Variants in KCNH2 observed in about 807,000 individuals in gnomAD.
The protein encoded by KCNH2 is potassium voltage-gated channel subfamily H member 2, also known as voltage-gated inwardly rectifying potassium channel KCNH2.
A neutral mutation model predicts 95.9 loss-of-function variants in KCNH2; 35 were observed. The ratio of observed to expected loss-of-function variants is 0.37; its 90% confidence interval spans 0.28 to 0.48. The LOEUF (loss-of-function observed/expected upper bound fraction) is 0.48. Among genes scored for constraint, KCNH2 ranks in the 20% least tolerant of loss-of-function variants. The pLI, the probability that KCNH2 is intolerant of heterozygous loss-of-function variation, is 0.99. For missense variants in KCNH2, 1,274 were observed against 1,702.9 expected (o/e 0.75, Z 4.43); for synonymous variants, 786 against 754.7 (o/e 1.04, Z -0.68).
intron 5 of KCNH2, chr7:150,955,745 G>T: frequency 7.9e-7 from 1 of 1,269,680 alleles, no homozygotes; most frequent in Non-Finnish European, 9.9e-7. Context: ...CCCGTGGCGT[G>T]GGCCCTGCTG....
chr7:150,970,264 CTCA>C (rs774775500), intron 2 of KCNH2, among the ~76,000 whole-genome samples: 1 of 149,512 alleles, frequency 6.7e-6, no homozygotes, highest in Non-Finnish European at 1.5e-5. Context: ...AGTCTCCCCC[CTCA>C]CACACCCCCA....
At chr7:150,947,126 G>C in intron 13 of KCNH2, 72 bp from the exon 14 acceptor site, 1 of 1,002,460 alleles carries the variant, frequency 1.0e-6, no homozygotes, top group Non-Finnish European at 1.5e-6. Context: ...AGTGGGGAAG[G>C]GGAAGGGGAG....
At position 150,977,896 on chromosome 7, in the gene KCNH2, GC is replaced by G; in HGVS notation, c.17del (p.Gly6AlafsTer54). On this transcript the variant is annotated frameshift_variant, in exon 1 of 15. Coordinates refer to ENST00000262186, the MANE Select transcript of KCNH2 (RefSeq NM_000238.4). LOFTEE classifies it high-confidence loss of function. Reference sequence around the variant, plus strand: ...GGAAGGTGTTCTGCGGCGCGACGTGGCCCCTCCGCACCGGCATCCTGAGCCC... The same window carrying G: ...GGAAGGTGTTCTGCGGCGCGACGTGGCCCTCCGCACCGGCATCCTGAGCCC... Reference protein sequence around the residue: MPVRRGHVAPQNTFLD... With the variant: MPVRRXHVAPQNTFLD... 1.2e-6 allele frequency: 2 copies of G among 1,605,260 alleles called. No individual in the cohort carries two copies. Among genetic ancestry groups the G allele is most frequent in the South Asian group, 1.1e-5 (1 of 90,466 alleles).
In KCNH2 at chr7:150,958,255, C is replaced by A. The variant is rs899939755; in HGVS notation, c.720G>T (p.Pro240=). 1 of 1,418,346 alleles carries A rather than the reference C, an allele frequency of 7.1e-7. No individual in the cohort carries two copies. Among genetic ancestry groups the A allele is most frequent in the Non-Finnish European group, 9.2e-7 (1 of 1,089,270 alleles). The allele number at this position is 1,418,346 out of a possible 1,614,324, so 87.9% of individuals were successfully genotyped here. A position where few individuals can be genotyped will look rare whatever the true frequency, so the allele number is the denominator to read the frequency against. The change falls in exon 4 of 15, where the codon CCG becomes CCT. Residue 240 remains proline (P), a synonymous_variant. Transcript: ENST00000262186. The part of the protein sequence containing the change: ...ERRALVGPGS[P]PRSAPGQLPS... ...GGAGCTGGCCGGGCGCGCTGCGGGG[C>A]GGAGAGCCGGGACCCACCAGCGCAC...
chr7:150,951,844 C>G lies in KCNH2; in HGVS notation c.1558-9G>C, dbSNP rs1170490077. On this transcript the variant is annotated splice_polypyrimidine_tract_variant and intron_variant, in intron 6 of 14. Transcript: ENST00000262186. ...TTCAGCAGCCCGATCAGCTGGGGGACAGGGAAGGGGCACATTCCGTTGATG... is the reference window on the plus strand; with the variant it reads ...TTCAGCAGCCCGATCAGCTGGGGGAGAGGGAAGGGGCACATTCCGTTGATG... 1 of 1,561,406 alleles carries G rather than the reference C, an allele frequency of 6.4e-7. No individual in the cohort carries two copies. Among genetic ancestry groups the G allele is most frequent in the Non-Finnish European group, 8.7e-7 (1 of 1,150,872 alleles).
chr7:150,945,477 C>G lies in KCNH2; in HGVS notation c.3368G>C (p.Gly1123Ala). ...GCCTTCTTGGGGAAGCTCTGGGGCC[C>G]CCGGGGGCAGCTCCTCACACGCCAT... is the stretch of plus-strand genomic sequence containing the variant. Reference protein sequence around the residue: ...QFMACEELPPGAPELPQEGPT... With the variant: ...QFMACEELPPAAPELPQEGPT... Residue 1123 changes from glycine to alanine, a missense_variant, in exon 15 of 15, where the codon GGG becomes GCG. Around this residue, in one of 7 missense-constraint regions of KCNH2, gnomAD observed 457 missense variants for 416.1 expected, o/e 1.10. Transcript: ENST00000262186. This position sits in a 1 kb window ranked among gnomAD's most constrained non-coding sequence, Gnocchi z 5.6. 6.4e-7 allele frequency: 1 copy of G among 1,556,520 alleles called. No homozygotes were observed. Among genetic ancestry groups the G allele is most frequent in the Non-Finnish European group, 8.7e-7 (1 of 1,150,792 alleles).
At position 150,945,182 on chromosome 7, in the gene KCNH2, C is replaced by A. The variant is rs1321453841; in HGVS notation, c.*183G>T. 26 of 677,430 alleles carry A rather than the reference C, an allele frequency of 3.8e-5. No individual in the cohort carries two copies. The highest frequency in any genetic ancestry group is 5.9e-5 in the Admixed American group (2 of 33,872). The allele number at this position is 677,430 out of a possible 1,614,324, so 42.0% of individuals were successfully genotyped here. ...CCACCTACTGCCGGCCCTGCCCCTG[C>A]CCCTCTCACTGGGGCCCAGGGGACT... On this transcript the variant is annotated 3_prime_UTR_variant, in exon 15 of 15. Coordinates refer to ENST00000262186, the MANE Select transcript of KCNH2 (RefSeq NM_000238.4). The surrounding 1 kb of genome is among the most constrained non-coding windows in gnomAD (Gnocchi z 5.6).
At chr7:150,968,801 G>A (rs1167427228) in intron 2 of KCNH2, among the ~76,000 whole-genome samples, 2 of 152,188 alleles carry the variant, frequency 1.3e-5, no homozygotes, top group Non-Finnish European at 2.9e-5. Flanking sequence ...GGGGCGGGGT[G>A]CACCATAGGA....
In KCNH2 at chr7:150,951,790, C is replaced by T. The variant is rs375872367; in HGVS notation, c.1603G>A (p.Val535Met). Residue 535 changes from valine (V) to methionine (M), a missense_variant, in exon 7 of 15, where the codon GTG (valine) becomes ATG (methionine). Around this residue, in one of 7 missense-constraint regions of KCNH2, gnomAD observed 147 missense variants for 344.4 expected, o/e 0.43. Coordinates refer to ENST00000262186, the MANE Select transcript of KCNH2 (RefSeq NM_000238.4). ...GAGTAGCGATCCAGCTTCCGCGCCA[C>T]GCGCACCAGCCGCAGCAGCCGCGCA... is the stretch of plus-strand genomic sequence containing the variant. The part of the protein sequence containing the change: ...KTARLLRLVR[V>M]ARKLDRYSEY... The T allele has an allele frequency of 6.3e-7, 1 of 1,593,258 alleles. No individual in the cohort carries two copies. The highest frequency in any genetic ancestry group is 8.6e-7 in the Non-Finnish European group (1 of 1,166,314).
At chr7:150,975,473 C>T (rs931713090) in intron 1 of KCNH2, among the ~76,000 whole-genome samples, 1 of 152,158 alleles carries the variant, frequency 6.6e-6, no homozygotes, top group East Asian at 1.9e-4. Context: ...AGGATCCTAC[C>T]AGGTCAGTAC....
At chr7:150,976,972 C>T (rs1379279708) in intron 1 of KCNH2, among the ~76,000 whole-genome samples, 2 of 152,264 alleles carry the variant, frequency 1.3e-5, no homozygotes, top group African/African-American at 4.8e-5. Context: ...CATCCTCTCC[C>T]AACTCCCAGG....
chr7:150,953,593 A>G (rs764630315), intron 5 of KCNH2, among the ~76,000 whole-genome samples: 11 of 152,104 alleles, frequency 7.2e-5, no homozygotes, highest in Non-Finnish European at 1.3e-4. Flanking sequence ...ACCAGCTCAC[A>G]CTCACACTCT....
chr7:150,954,689 T>C lies in KCNH2; in HGVS notation c.1129-1836A>G, dbSNP rs533084211. Among the ~76,000 whole-genome samples the C allele has an allele frequency of 9.2e-5, 14 of 152,326 alleles. No individual in the cohort carries two copies. The South Asian group carries it at 2.7e-3, about 29-fold the overall frequency. ...TATGAGCCAAGGCAGAATGTGCAGA[T>C]GTGGGGTGGTGGGGGCAGGGATGGG... On this transcript the variant is annotated intron_variant, in intron 5 of 14. Transcript: ENST00000262186.
Position 150,950,376 on chromosome 7 carries a change from C to T in KCNH2, c.2190G>A (p.Leu730=), listed in dbSNP as rs1401248493. The change falls in exon 9 of 15, where the codon CTG becomes CTA. Residue 730 remains leucine, a synonymous_variant. Transcript: ENST00000262186. ...GCTGCAGCAGTGAGCGGTTCAGGTG[C>T]AGGCAGATGTCAGCCTGCAGGCACT... ...FPECLQADIC[L]HLNRSLLQHC... The T allele has an allele frequency of 2.5e-6, 4 of 1,612,730 alleles. No homozygotes were observed. The African/African-American group carries it at 4.0e-5, about 16-fold the overall frequency.
chr7:150,957,814 G>C (rs553298174), intron 4 of KCNH2, among the ~76,000 whole-genome samples: 1 of 152,250 alleles, frequency 6.6e-6, no homozygotes, highest in Non-Finnish European at 1.5e-5. Flanking sequence ...GCTCCAGGCC[G>C]TCCCGGGACA....
rs1441769019 is a variant in KCNH2 at position 150,961,391 on chromosome 7, A to C, written c.308-1655T>G. Among the ~76,000 whole-genome samples, 1 of 149,824 alleles carries C rather than the reference A, an allele frequency of 6.7e-6. No individual in the cohort carries two copies. Among genetic ancestry groups the C allele is most frequent in the Non-Finnish European group, 1.5e-5 (1 of 67,746 alleles). On this transcript the variant is annotated intron_variant, in intron 2 of 14. Transcript: ENST00000262186. This position sits in a 1 kb window ranked among gnomAD's most constrained non-coding sequence, Gnocchi z 6.2. ...TGGCTCACTGCAACCTCTGCCTCCC[A>C]GGTCCAAGTGATTCTCCTGCCTCAG...
chr7:150,950,021 G>A (rs553350850), intron 9 of KCNH2, 147 bp downstream of exon 9: 1 of 1,585,220 alleles, frequency 6.3e-7, no homozygotes, highest in East Asian at 2.4e-5. Context: ...CCGCTTGGAG[G>A]GCCTGAGTTT....
chr7:150,959,378 A>G (rs747563269), intron 3 of KCNH2, among the ~76,000 whole-genome samples, 194 bp downstream of exon 3: 1 of 152,082 alleles, frequency 6.6e-6, no homozygotes, highest in Admixed American at 6.5e-5. Flanking sequence ...TTCCACCCCT[A>G]TGTGTCCATC....
intron 1 of KCNH2, 130 bp downstream of exon 1, chr7:150,977,707 TG>T: frequency 2.2e-6 from 1 of 461,972 alleles, no homozygotes; most frequent in Non-Finnish European, 3.4e-6. Context: ...CGCCAAAGCC[TG>T]GGGCCCACCA....
Sources: allele counts gnomAD v4.1 joint callset (sites outside exome capture counted in the v4.1 genomes callset), GRCh38; gene constraint gnomAD v4.1.1; regional missense constraint gnomAD v4.1.1; non-coding constraint Gnocchi (gnomAD v3.1); transcripts MANE v1.5; gene names NCBI Gene and HGNC (gene_info 2026-07-23, HGNC 2026-07-21).